MYO1D: variants seen among roughly 807,000 people sequenced by gnomAD.
MYO1D encodes myosin ID, also known as unconventional myosin-Id.
MYO1D carries 83 observed loss-of-function variants against 122.0 expected under a neutral mutation model. The observed-to-expected ratio is 0.68, with a 90% CI of 0.57 to 0.82. The LOEUF (loss-of-function observed/expected upper bound fraction) is 0.82, where lower values mean the gene tolerates loss of function less well. MYO1D is among the 40% of genes least tolerant of loss of function. The pLI is 0.00. For synonymous variants in MYO1D, 464 were observed against 446.9 expected (o/e 1.04, Z -0.48); for missense variants, 1,157 against 1,269.5 (o/e 0.91, Z 1.35).
intron 14 of MYO1D, among the ~76,000 whole-genome samples, chr17:32,731,836 A>G (rs113629499): frequency 1.1e-4 from 17 of 151,820 alleles, no homozygotes; most frequent in African/African-American, 3.9e-4. Context: ...AGGAGCCCCA[A>G]CCTCCTGGGT....
At position 32,532,354 on chromosome 17, in the gene MYO1D, C is replaced by A. The variant is rs568483692; in HGVS notation, c.2865-37439G>T. Among the ~76,000 whole-genome samples the A allele has an allele frequency of 3.3e-5, 5 of 152,306 alleles. No individual in the cohort carries two copies. In the South Asian group the frequency reaches 8.3e-4, roughly 25 times the overall value. ...TCAGAAATTAAAATATTCTTTGTAG[C>A]AGAATAAACAGTGTAGTGTCAACGT... On this transcript the variant is annotated intron_variant, in intron 21 of 21. Transcript: ENST00000318217.
At chr17:32,575,575 A>G (rs958491167) in intron 21 of MYO1D, among the ~76,000 whole-genome samples, 10 of 152,204 alleles carry the variant, frequency 6.6e-5, no homozygotes, top group African/African-American at 2.4e-4. Flanking sequence ...TCAGATGCAT[A>G]GTGAGTTCTC....
intron 1 of MYO1D, among the ~76,000 whole-genome samples, chr17:32,794,922 A>G (rs951474682): frequency 1.3e-5 from 2 of 152,174 alleles, no homozygotes; most frequent in Non-Finnish European, 2.9e-5. Flanking sequence ...CGCTGGTCTC[A>G]GGAAGGAATG....
intron 21 of MYO1D, among the ~76,000 whole-genome samples, chr17:32,559,357 C>A (rs1028954545): frequency 6.6e-6 from 1 of 152,206 alleles, no homozygotes; most frequent in African/African-American, 2.4e-5. Context: ...CACATAATGA[C>A]CTGTAACCTA....
intron 20 of MYO1D, among the ~76,000 whole-genome samples, chr17:32,631,008 C>T (rs1426838868): frequency 6.6e-6 from 1 of 152,114 alleles, no homozygotes; most frequent in African/African-American, 2.4e-5. Flanking sequence ...GGATTAGGGC[C>T]CACTCTTAAG....
At chr17:32,670,048 C>T (rs1909182491) in intron 16 of MYO1D, among the ~76,000 whole-genome samples, 1 of 151,992 alleles carries the variant, frequency 6.6e-6, no homozygotes, top group Admixed American at 6.6e-5. Flanking sequence ...TGTGCACCAT[C>T]ATGCCTGGCT....
chr17:32,651,967 C>T (rs1030519288), intron 19 of MYO1D, among the ~76,000 whole-genome samples: 1 of 152,278 alleles, frequency 6.6e-6, no homozygotes, highest in African/African-American at 2.4e-5. Flanking sequence ...TAAGCCACTG[C>T]GTCTGGCCTC....
chr17:32,682,728 T>C (rs906257207), intron 16 of MYO1D, among the ~76,000 whole-genome samples: 1 of 119,770 alleles, frequency 8.3e-6, no homozygotes, highest in African/African-American at 3.6e-5. Context: ...TTACGTGTCT[T>C]GGAGTTGCTC....
chr17:32,567,055 G>A (rs1372549519), intron 21 of MYO1D, among the ~76,000 whole-genome samples: 1 of 151,870 alleles, frequency 6.6e-6, no homozygotes, highest in Non-Finnish European at 1.5e-5. Flanking sequence ...AGGCTTCTGG[G>A]ATATTAACAG....
At chr17:32,818,561 A>G (rs1483931897) in intron 1 of MYO1D, among the ~76,000 whole-genome samples, 1 of 152,192 alleles carries the variant, frequency 6.6e-6, no homozygotes, top group Non-Finnish European at 1.5e-5. Flanking sequence ...GAGAGAGACC[A>G]ATGGGGGAAA....
chr17:32,762,007 C>T (rs1025356251), intron 8 of MYO1D, among the ~76,000 whole-genome samples: 25 of 152,004 alleles, frequency 1.6e-4, no homozygotes, highest in African/African-American at 5.3e-4. Context: ...TCTCACTTGC[C>T]CCCCACCTCG....
chr17:32,840,594 CCT>C (rs2090871064), intron 1 of MYO1D, among the ~76,000 whole-genome samples: 1 of 152,180 alleles, frequency 6.6e-6, no homozygotes, highest in South Asian at 2.1e-4. Flanking sequence ...TTATTCTCTC[CCT>C]CTCTTACTCT....
chr17:32,779,588 C>T (rs2090214901), intron 2 of MYO1D, among the ~76,000 whole-genome samples: 1 of 151,882 alleles, frequency 6.6e-6, no homozygotes, highest in African/African-American at 2.4e-5. Flanking sequence ...ACAGCTGTTA[C>T]TGCTGGAATT....
intron 1 of MYO1D, among the ~76,000 whole-genome samples, chr17:32,869,351 T>C (rs969146313): frequency 2.0e-5 from 3 of 152,210 alleles, no homozygotes; most frequent in Non-Finnish European, 4.4e-5. Flanking sequence ...ACAATGCATA[T>C]TTTAAAATGC....
intron 21 of MYO1D, among the ~76,000 whole-genome samples, chr17:32,563,203 TCTC>T (rs1275518964): frequency 8.2e-6 from 1 of 121,318 alleles, no homozygotes; most frequent in African/African-American, 3.3e-5. Flanking sequence ...TTTTTTCTTC[TCTC>T]TTTTTTTTTT....
rs151099999 is a variant in MYO1D at position 32,726,626 on chromosome 17, T to A, written c.1747-5437A>T. 1.7e-4 allele frequency among the ~76,000 whole-genome samples: 25 copies of A among 149,572 alleles called. No individual in the cohort carries two copies. The Admixed American group carries it at 1.7e-3, about 10-fold the overall frequency. ...CTATAACAGATATAATAGATATAGA[T>A]ATTAGATAATATAGATCATATAGGT... On this transcript the variant is annotated intron_variant, in intron 14 of 21. Coordinates refer to ENST00000318217, the MANE Select transcript of MYO1D (RefSeq NM_015194.3).
intron 21 of MYO1D, among the ~76,000 whole-genome samples, chr17:32,511,992 G>A (rs1386110046): frequency 1.3e-5 from 2 of 152,128 alleles, no homozygotes; most frequent in Non-Finnish European, 2.9e-5. Flanking sequence ...CAAACACACT[G>A]GGGACATATA....
intron 21 of MYO1D, among the ~76,000 whole-genome samples, chr17:32,576,411 C>T (rs2087278873): frequency 6.6e-6 from 1 of 152,144 alleles, no homozygotes; most frequent in African/African-American, 2.4e-5. Flanking sequence ...ACTGTAATCT[C>T]TTATAAAAGG....
intron 1 of MYO1D, among the ~76,000 whole-genome samples, chr17:32,852,250 C>T (rs904270583): frequency 6.6e-6 from 1 of 152,078 alleles, no homozygotes; most frequent in Admixed American, 6.5e-5. Context: ...CTCAGTCTCC[C>T]CAGTAGCTGG....
Sources: allele counts gnomAD v4.1 joint callset (sites outside exome capture counted in the v4.1 genomes callset), GRCh38; gene constraint gnomAD v4.1.1; transcripts MANE v1.5; gene names NCBI Gene and HGNC (gene_info 2026-07-23, HGNC 2026-07-21).